Variants in CHST8 observed in about 807,000 individuals in gnomAD.
CHST8 encodes GALNAC-4-ST1.
Under a neutral mutation model 15.0 loss-of-function variants are expected in CHST8, and 10 were observed. The observed-to-expected ratio is 0.67, with a 90% CI of 0.41 to 1.13. CHST8 has a LOEUF of 1.13. Ranked by LOEUF, CHST8 falls within the 50% of genes most tolerant of loss-of-function variation. The probability of loss-of-function intolerance (pLI) is 0.00; values close to 1 mark genes in which losing one functional copy is unlikely to be tolerated. For missense variants in CHST8, 634 were observed against 608.2 expected, an observed-to-expected ratio of 1.04 and a Z score of -0.45; for synonymous variants, 259 against 256.6, an observed-to-expected ratio of 1.01 and a Z score of -0.09.
At chr19:33,687,924 C>T (rs1276341179) in intron 2 of CHST8, among the ~76,000 whole-genome samples, 3 of 152,214 alleles carry the variant, frequency 2.0e-5, no homozygotes, top group Non-Finnish European at 4.4e-5. Flanking sequence ...GCTTAAACAG[C>T]CACCCAGCTG....
chr19:33,703,754 A>G (rs1204654530), intron 3 of CHST8, among the ~76,000 whole-genome samples: 1 of 152,192 alleles, frequency 6.6e-6, no homozygotes, highest in Non-Finnish European at 1.5e-5. Flanking sequence ...TCACCATTAT[A>G]TGCCTGCTGA....
chr19:33,645,696 A>G (rs1972346005), intron 1 of CHST8, among the ~76,000 whole-genome samples: 1 of 152,178 alleles, frequency 6.6e-6, no homozygotes, highest in South Asian at 2.1e-4. Flanking sequence ...CAGATGTTGA[A>G]TATTTGGTTG....
At chr19:33,680,287 T>A (rs1247897342) in intron 2 of CHST8, among the ~76,000 whole-genome samples, 1 of 152,254 alleles carries the variant, frequency 6.6e-6, no homozygotes, top group Non-Finnish European at 1.5e-5. Context: ...TCCTTTTTCT[T>A]TTCTTTCCCT....
At chr19:33,662,223 G>A (rs1972597339) in intron 1 of CHST8, among the ~76,000 whole-genome samples, 2 of 152,042 alleles carry the variant, frequency 1.3e-5, no homozygotes, top group Admixed American at 6.5e-5. Flanking sequence ...GGACTAAGAC[G>A]CGCGCCACCA....
intron 3 of CHST8, among the ~76,000 whole-genome samples, chr19:33,711,522 A>G (rs1973549868): frequency 6.6e-6 from 1 of 152,258 alleles, no homozygotes; most frequent in Non-Finnish European, 1.5e-5. Flanking sequence ...ATTGTGTAGT[A>G]TAAATTATTG....
At chr19:33,630,692 G>A (rs1386234212) in intron 1 of CHST8, among the ~76,000 whole-genome samples, 1 of 152,028 alleles carries the variant, frequency 6.6e-6, no homozygotes, top group Non-Finnish European at 1.5e-5. Context: ...GTCTACACTG[G>A]TGGGGCCAGT....
rs115023997 is a variant in CHST8, at chr19:33,637,805, A to G, written c.-164+15509A>G. The stretch of plus-strand genomic sequence containing the variant: ...TTGAGTCCAGAAGTTCGAGGCTGCA[A>G]TGAGCTATGATGGCACCACTGGACT... On this transcript the variant is annotated intron_variant, in intron 1 of 4. Coordinates refer to ENST00000650847, the MANE Select transcript of CHST8 (RefSeq NM_001127895.2). 6.8e-4 allele frequency among the ~76,000 whole-genome samples: 100 copies of G among 147,582 alleles called. 1 individual carries two copies. Among genetic ancestry groups the G allele is most frequent in the Non-Finnish European group, 1.1e-3 (75 of 66,606 alleles).
intron 3 of CHST8, among the ~76,000 whole-genome samples, chr19:33,706,596 AG>A (rs1466849626): frequency 6.6e-6 from 1 of 152,174 alleles, no homozygotes; most frequent in Non-Finnish European, 1.5e-5. Context: ...TGTCAGCCAC[AG>A]GATTGGGTGA....
rs1039583732 is a variant in CHST8 at position 33,622,083 on chromosome 19, C to T, written c.-377C>T. The T allele has an allele frequency of 6.6e-6, 1 of 152,212 alleles. No homozygotes were observed. Among genetic ancestry groups the T allele is most frequent in the African/African-American group, 2.4e-5 (1 of 41,442 alleles). The allele number at this position is 152,212 out of a possible 1,614,324, so 9.4% of individuals were successfully genotyped here. ...CGGGGGCCGAAGAGGAACGCCGCCC[C>T]GCGCCCTCTCGCTCCCCGCACGCTC... is the stretch of plus-strand genomic sequence containing the variant. On this transcript the variant is annotated 5_prime_UTR_variant, in exon 1 of 5. Transcript: ENST00000650847.
chr19:33,764,776 T>G (rs906971535), intron 3 of CHST8, among the ~76,000 whole-genome samples: 2 of 152,068 alleles, frequency 1.3e-5, no homozygotes, highest in South Asian at 4.1e-4. Flanking sequence ...ATGGTGAGAT[T>G]TTGATGTACC....
chr19:33,698,681 G>T (rs1401610338), intron 3 of CHST8, among the ~76,000 whole-genome samples: 1 of 152,076 alleles, frequency 6.6e-6, no homozygotes, highest in Non-Finnish European at 1.5e-5. Context: ...GGAGAGGTCG[G>T]GGCAATGGGG....
intron 3 of CHST8, among the ~76,000 whole-genome samples, chr19:33,695,051 G>A (rs1973185271): frequency 6.6e-6 from 1 of 152,040 alleles, no homozygotes; most frequent in East Asian, 1.9e-4. Context: ...GACCTCCTGG[G>A]CTCGAGTGAT....
intron 3 of CHST8, among the ~76,000 whole-genome samples, chr19:33,717,075 C>T (rs1478819801): frequency 6.6e-6 from 1 of 152,132 alleles, no homozygotes; most frequent in East Asian, 1.9e-4. Flanking sequence ...GCCAGTGGGG[C>T]CTCAACCCCA....
At chr19:33,714,145 C>T (rs1286235241) in intron 3 of CHST8, among the ~76,000 whole-genome samples, 2 of 152,122 alleles carry the variant, frequency 1.3e-5, no homozygotes, top group Non-Finnish European at 2.9e-5. Context: ...AGTTCCACTA[C>T]CGGGCTATCT....
At chr19:33,750,377 C>T (rs1272394648) in intron 3 of CHST8, among the ~76,000 whole-genome samples, 2 of 152,188 alleles carry the variant, frequency 1.3e-5, no homozygotes, top group East Asian at 1.9e-4. Context: ...CTGCTCAGTC[C>T]CCTCTGGGGC....
intron 3 of CHST8, among the ~76,000 whole-genome samples, chr19:33,732,984 G>A (rs1245404209): frequency 6.6e-6 from 1 of 152,108 alleles, no homozygotes; most frequent in South Asian, 2.1e-4. Flanking sequence ...ATTATGAATT[G>A]GGGTTTGATT....
chr19:33,671,335 C>A (rs1230550553), intron 2 of CHST8, among the ~76,000 whole-genome samples: 2 of 152,096 alleles, frequency 1.3e-5, no homozygotes, highest in African/African-American at 2.4e-5. Flanking sequence ...ACATCCTGGC[C>A]CGAGATTTCT....
intron 3 of CHST8, among the ~76,000 whole-genome samples, chr19:33,744,113 G>T (rs284687): frequency 0.059 from 8,996 of 152,118 alleles, 319 homozygotes; most frequent in Admixed American, 0.094. Flanking sequence ...TGTCTACCCC[G>T]CACACCCTGC....
chr19:33,748,017 G>A (rs1252220782), intron 3 of CHST8, among the ~76,000 whole-genome samples: 3 of 152,122 alleles, frequency 2.0e-5, no homozygotes, highest in Non-Finnish European at 4.4e-5. Context: ...TTTCCCTCAG[G>A]ACAGGCAGGA....
Sources: gnomAD v4.1 joint callset for allele counts (sites outside exome capture counted in the v4.1 genomes callset) on GRCh38, gnomAD v4.1.1 for gene constraint, MANE v1.5 for transcripts, NCBI Gene and HGNC (gene_info 2026-07-23, HGNC 2026-07-21) for gene names.